Variants in ZNF670 observed in about 807,000 individuals in gnomAD.
The protein encoded by ZNF670 is zinc finger protein 670.
ZNF670 carries 7 observed loss-of-function variants against 10.9 expected under a neutral mutation model. The ratio of observed to expected loss-of-function variants is 0.64; its 90% CI spans 0.36 to 1.20. ZNF670 has a LOEUF of 1.20. Ranked by LOEUF, ZNF670 falls within the 50% of genes most tolerant of loss-of-function variation. The pLI is 0.02. For missense variants in ZNF670, 446 were observed against 458.6 expected, an observed-to-expected ratio of 0.97 and a Z score of 0.25; for synonymous variants, 136 against 152.7, an observed-to-expected ratio of 0.89 and a Z score of 0.81.
At chr1:247,056,582 C>T (rs1314748218) in intron 1 of ZNF670, among the ~76,000 whole-genome samples, 1 of 152,106 alleles carries the variant, frequency 6.6e-6, no homozygotes, top group Non-Finnish European at 1.5e-5. Context: ...TAATTTCAAA[C>T]AACCACCTAA....
chr1:247,051,082 G>GCA, intron 1 of ZNF670, among the ~76,000 whole-genome samples: 1 of 151,552 alleles, frequency 6.6e-6, no homozygotes, highest in Non-Finnish European at 1.5e-5. Flanking sequence ...GCCGAGGCGG[G>GCA]TGGATCACGA....
At chr1:247,038,993 G>A in intron 2 of ZNF670, 123 bp from the exon 3 acceptor site, 1 of 545,158 alleles carries the variant, frequency 1.8e-6, no homozygotes. Context: ...CTTTCCACAT[G>A]CCAAATCAGG....
intron 1 of ZNF670, among the ~76,000 whole-genome samples, chr1:247,059,876 T>C (rs994389232): frequency 1.3e-5 from 2 of 152,172 alleles, no homozygotes; most frequent in Non-Finnish European, 2.9e-5. Flanking sequence ...AATGAGCAAC[T>C]GATTTAAATT....
chr1:247,049,396 A>G (rs1419359157), intron 1 of ZNF670, among the ~76,000 whole-genome samples: 1 of 151,938 alleles, frequency 6.6e-6, no homozygotes, highest in Non-Finnish European at 1.5e-5. Context: ...GAGCTTATTT[A>G]GATTTTCTCT....
intron 1 of ZNF670, among the ~76,000 whole-genome samples, chr1:247,061,623 G>A (rs1386477387): frequency 6.6e-6 from 1 of 152,120 alleles, no homozygotes; most frequent in East Asian, 1.9e-4. Context: ...AGGAGACTGA[G>A]CTCCCCATAA....
chr1:247,049,320 C>G (rs987294275), intron 1 of ZNF670, among the ~76,000 whole-genome samples: 3 of 152,064 alleles, frequency 2.0e-5, no homozygotes, highest in Admixed American at 1.3e-4. Flanking sequence ...CCCACCTCGG[C>G]TTCCCAAAGT....
intron 1 of ZNF670, among the ~76,000 whole-genome samples, chr1:247,063,692 C>T (rs7528817): frequency 0.56 from 84,872 of 151,324 alleles, 25,952 homozygotes; most frequent in African/African-American, 0.8. Flanking sequence ...TTTCATACAT[C>T]TTGAAGATTC....
intron 1 of ZNF670, among the ~76,000 whole-genome samples, chr1:247,040,442 C>T (rs1330526340): frequency 1.3e-5 from 2 of 152,062 alleles, no homozygotes; most frequent in Non-Finnish European, 2.9e-5. Context: ...TTTCAAATAG[C>T]CTTAAAAAAT....
At chr1:247,063,217 G>A (rs948236769) in intron 1 of ZNF670, among the ~76,000 whole-genome samples, 1 of 152,154 alleles carries the variant, frequency 6.6e-6, no homozygotes, top group Non-Finnish European at 1.5e-5. Flanking sequence ...TGGATCATAG[G>A]AAACAAATAG....
intron 1 of ZNF670, among the ~76,000 whole-genome samples, chr1:247,056,897 C>T (rs1670731563): frequency 6.6e-6 from 1 of 152,158 alleles, no homozygotes; most frequent in South Asian, 2.1e-4. Context: ...GAAACTACTA[C>T]AAGAAAGCAT....
chr1:247,051,168 C>T (rs7551896), intron 1 of ZNF670, among the ~76,000 whole-genome samples: 14,065 of 150,764 alleles, frequency 0.093, 762 homozygotes, highest in South Asian at 0.19. Flanking sequence ...ATTAGCCGGG[C>T]GTGGTGGCAA....
At chr1:247,043,819 A>G in intron 1 of ZNF670, 1 of 355,788 alleles carries the variant, frequency 2.8e-6, no homozygotes, top group Non-Finnish European at 5.5e-6. Context: ...TGTTCCAACC[A>G]TAAGCCTCAT....
chr1:247,048,082 A>C (rs1388999684), intron 1 of ZNF670, among the ~76,000 whole-genome samples: 1 of 152,226 alleles, frequency 6.6e-6, no homozygotes, highest in African/African-American at 2.4e-5. Context: ...CTATCACATC[A>C]TCAGGCTGAA....
intron 1 of ZNF670, among the ~76,000 whole-genome samples, chr1:247,070,331 C>T (rs1398240987): frequency 6.6e-6 from 1 of 151,902 alleles, no homozygotes; most frequent in Non-Finnish European, 1.5e-5. Context: ...ACTAGCCAGG[C>T]GTGGTGGCAG....
intron 1 of ZNF670, among the ~76,000 whole-genome samples, chr1:247,058,375 G>A (rs562453038): frequency 1.4e-4 from 21 of 152,220 alleles, no homozygotes; most frequent in African/African-American, 5.1e-4. Context: ...TGCAGTACAA[G>A]TGGTGCTTGG....
At chr1:247,064,777 T>C (rs1670944224) in intron 1 of ZNF670, among the ~76,000 whole-genome samples, 1 of 152,184 alleles carries the variant, frequency 6.6e-6, no homozygotes, top group Admixed American at 6.5e-5. Flanking sequence ...TCTCAGTCTA[T>C]GCACTTTCTT....
chr1:247,070,543 T>C (rs141233058), intron 1 of ZNF670, among the ~76,000 whole-genome samples: 2 of 152,180 alleles, frequency 1.3e-5, no homozygotes, highest in Admixed American at 6.5e-5. Context: ...GAGGAAAACC[T>C]AGGACATACC....
At chr1:247,043,466 G>A in intron 1 of ZNF670, 4 of 645,204 alleles carry the variant, frequency 6.2e-6, no homozygotes, top group South Asian at 5.8e-5. Context: ...TGAAGAATAT[G>A]CCTTGGTTAA....
chr1:247,037,752 G>A lies in ZNF670; in HGVS notation c.867C>T (p.Ala289=). Residue 289 remains alanine (A), a synonymous_variant, in exon 4 of 4, where the codon GCC becomes GCT. Coordinates refer to ENST00000366503, the MANE Select transcript of ZNF670 (RefSeq NM_033213.5). ...KPYECIKCGK[A]FRCSRVLRVH... is the part of the protein sequence containing the mutation. ...CTCTGAGGACTCTGGAACATCTAAA[G>A]GCTTTGCCACATTTTATACATTCAT... 1 of 1,613,868 alleles carries A rather than the reference G, an allele frequency of 6.2e-7. No individual in the cohort carries two copies. Among genetic ancestry groups the A allele is most frequent in the South Asian group, 1.1e-5 (1 of 91,046 alleles).
Sources: allele counts gnomAD v4.1 joint callset (sites outside exome capture counted in the v4.1 genomes callset), GRCh38; gene constraint gnomAD v4.1.1; transcripts MANE v1.5; gene names NCBI Gene and HGNC (gene_info 2026-07-23, HGNC 2026-07-21).